The following ATP11C variants were observed in gnomAD, a reference collection of about 807,000 sequenced individuals.
ATP11C encodes ATPase phospholipid transporting 11C (ATP11C blood group), also known as phospholipid-transporting ATPase IG.
In ATP11C, 36 loss-of-function variants were observed where a neutral mutation model predicts 97.4. The ratio of observed to expected loss-of-function variants is 0.37; its 90% CI spans 0.28 to 0.49. The LOEUF (loss-of-function observed/expected upper bound fraction) is 0.49, where lower values mean the gene tolerates loss of function less well. Among genes scored for constraint, ATP11C ranks in the 20% least tolerant of loss-of-function variants. The pLI is 0.98. For missense variants in ATP11C, 730 were observed against 824.6 expected, an observed-to-expected ratio of 0.89 and a Z score of 1.40; for synonymous variants, 275 against 290.9, an observed-to-expected ratio of 0.95 and a Z score of 0.56.
chrX:139,917,025 A>G (rs1413302370), intron 1 of ATP11C, among the ~76,000 whole-genome samples: 1 of 111,566 alleles, frequency 9.0e-6, no homozygotes, highest in East Asian at 2.8e-4. Context: ...GGGGGAAAAG[A>G]GTCTTCTCTT....
chrX:139,919,775 C>T (rs1284950950), intron 1 of ATP11C, among the ~76,000 whole-genome samples: 9 of 109,666 alleles, frequency 8.2e-5, no homozygotes, highest in African/African-American at 2.3e-4. Context: ...CAAAAATAGC[C>T]GGGTGTGGTG....
In ATP11C at chrX:139,728,729, A is replaced by G; in HGVS notation, c.*237T>C. On this transcript the variant is annotated 3_prime_UTR_variant, in exon 30 of 30. Coordinates refer to ENST00000682941, the MANE Select transcript of ATP11C (RefSeq NM_001353812.2). ...TCAACTTTCATATAATTCTTAACTT[A>G]CAGCTTTGGCCATAAAGGCTACTTA... 2 of 367,605 alleles carry G rather than the reference A, an allele frequency of 5.4e-6. No individual in the cohort carries two copies. Among genetic ancestry groups the G allele is most frequent in the Non-Finnish European group, 9.5e-6 (2 of 209,519 alleles). The allele number at this position is 367,605 out of a possible 1,213,427, so 30.3% of individuals were successfully genotyped here. A position where few individuals can be genotyped will look rare whatever the true frequency, so the allele number is the denominator to read the frequency against.
intron 1 of ATP11C, chrX:139,924,085 A>G (rs967204594): frequency 5.3e-6 from 2 of 375,333 alleles, no homozygotes; most frequent in African/African-American, 5.1e-5. Flanking sequence ...GACTATGAGC[A>G]AATGAATGGG....
chrX:139,726,726 A>G lies in ATP11C; in HGVS notation c.*2240T>C, dbSNP rs760190619. 2.7e-5 allele frequency: 3 copies of G among 112,443 alleles called. No individual in the cohort carries two copies. The highest frequency in any genetic ancestry group is 5.6e-5 in the Non-Finnish European group (3 of 53,204). 9.3% of individuals were successfully genotyped at this position (112,443 alleles called of 1,213,427 possible). A position where few individuals can be genotyped will look rare whatever the true frequency, so the allele number is the denominator to read the frequency against. On this transcript the variant is annotated 3_prime_UTR_variant, in exon 30 of 30. Transcript: ENST00000682941. ...ACAATGGACAGCGGTTGTGAAAATT[A>G]CAAAGACATTTTGATAGCTCAAAAT...
intron 1 of ATP11C, among the ~76,000 whole-genome samples, chrX:139,900,597 A>C (rs7891420): frequency 9.8e-5 from 11 of 111,811 alleles, no homozygotes; most frequent in African/African-American, 3.6e-4. Context: ...CTTATTTTTT[A>C]AAGTTCAGGT....
chrX:139,856,659 C>T (rs59786850), intron 1 of ATP11C, among the ~76,000 whole-genome samples: 5,271 of 111,983 alleles, frequency 0.047, 200 homozygotes, highest in East Asian at 0.29. Context: ...TGGAGTCCCA[C>T]GGGGAATACC....
intron 25 of ATP11C, among the ~76,000 whole-genome samples, chrX:139,745,202 A>G (rs1460640688): frequency 9.0e-6 from 1 of 111,447 alleles, no homozygotes; most frequent in African/African-American, 3.3e-5. Flanking sequence ...TGAATGAGAT[A>G]GTCATGTTCT....
At chrX:139,916,460 A>C (rs1291094393) in intron 1 of ATP11C, among the ~76,000 whole-genome samples, 3 of 111,490 alleles carry the variant, frequency 2.7e-5, no homozygotes, top group African/African-American at 9.8e-5. Context: ...TATAGAGGAA[A>C]TCTAGACACT....
intron 1 of ATP11C, among the ~76,000 whole-genome samples, chrX:139,889,431 CTACA>C (rs1470570117): frequency 9.0e-6 from 1 of 111,660 alleles, no homozygotes; most frequent in Non-Finnish European, 1.9e-5. Flanking sequence ...AGGGGACTGA[CTACA>C]AAGGAGCATG....
chrX:139,805,468 T>C (rs769197141), intron 5 of ATP11C, among the ~76,000 whole-genome samples: 1 of 112,022 alleles, frequency 8.9e-6, no homozygotes, highest in Non-Finnish European at 1.9e-5. Context: ...TATTAACTAC[T>C]TCAAAGGTGT....
chrX:139,769,281 CATATATATATATAT>C (rs55984113), intron 19 of ATP11C, among the ~76,000 whole-genome samples: 925 of 28,045 alleles, frequency 0.033, 43 homozygotes, highest in South Asian at 0.14. Context: ...GGCAAACATA[CATATATATATATAT>C]ATATATATAT....
At chrX:139,847,272 A>C (rs2083922956) in intron 1 of ATP11C, among the ~76,000 whole-genome samples, 1 of 110,429 alleles carries the variant, frequency 9.1e-6, no homozygotes, top group African/African-American at 3.3e-5. Context: ...AGTCCAAGCT[A>C]CTCGGGAGAT....
chrX:139,920,417 A>C (rs1390911677), intron 1 of ATP11C, among the ~76,000 whole-genome samples: 2 of 110,902 alleles, frequency 1.8e-5, no homozygotes, highest in African/African-American at 6.6e-5. Context: ...AATCTTGAAA[A>C]TATTACTATG....
At chrX:139,801,753 T>A (rs1316362586) in intron 7 of ATP11C, among the ~76,000 whole-genome samples, 2 of 111,417 alleles carry the variant, frequency 1.8e-5, no homozygotes, top group Non-Finnish European at 3.8e-5. Flanking sequence ...AATTACACCA[T>A]TGTACTCATC....
intron 1 of ATP11C, among the ~76,000 whole-genome samples, chrX:139,909,736 T>C (rs768194307): frequency 5.4e-5 from 6 of 112,073 alleles, no homozygotes; most frequent in Non-Finnish European, 1.1e-4. Context: ...CAATTCCATG[T>C]GTATCCATAA....
At position 139,757,837 on chromosome X, in the gene ATP11C, A is replaced by G; in HGVS notation, c.2671T>C (p.Tyr891His). ...NLCFILPQFL[Y>H]QFFCGFSQQP... Reference sequence around the variant, plus strand: ...TGTGAGAATCCACAGAAGAACTGGTACAAAAACTGTGGCAAAATGAAACAA... The same window carrying G: ...TGTGAGAATCCACAGAAGAACTGGTGCAAAAACTGTGGCAAAATGAAACAA... The change falls in exon 23 of 30, where the codon TAC (tyrosine) becomes CAC (histidine). Residue 891 changes from tyrosine (Y) to histidine (H), a missense_variant. Physicochemically the swap from Tyr to His is moderately conservative, Grantham distance 83. Transcript: ENST00000682941. 8.4e-7 allele frequency: 1 copy of G among 1,192,893 alleles called. No individual in the cohort carries two copies. Among genetic ancestry groups the G allele is most frequent in the Non-Finnish European group, 1.1e-6 (1 of 884,812 alleles).
intron 1 of ATP11C, among the ~76,000 whole-genome samples, chrX:139,919,337 G>A (rs1010541424): frequency 9.2e-6 from 1 of 108,731 alleles, no homozygotes; most frequent in African/African-American, 3.3e-5. Context: ...CTGCGTGGTG[G>A]CGGGCACCTG....
chrX:139,853,232 C>G (rs1162963098), intron 1 of ATP11C, among the ~76,000 whole-genome samples: 1 of 110,654 alleles, frequency 9.0e-6, no homozygotes, highest in Admixed American at 9.6e-5. Flanking sequence ...GAGGGGAGAA[C>G]AGCAGCATAA....
chrX:139,789,898 C>T (rs2082653682), intron 12 of ATP11C, among the ~76,000 whole-genome samples: 1 of 109,541 alleles, frequency 9.1e-6, no homozygotes, highest in Non-Finnish European at 1.9e-5. Context: ...GGTGTGGTGG[C>T]ACACACCTGA....
Sources: allele counts gnomAD v4.1 joint callset (sites outside exome capture counted in the v4.1 genomes callset), GRCh38; gene constraint gnomAD v4.1.1; transcripts MANE v1.5; gene names NCBI Gene and HGNC (gene_info 2026-07-23, HGNC 2026-07-21).